Variants in MS4A4A observed in about 807,000 individuals in gnomAD.
MS4A4A encodes membrane-spanning 4-domains subfamily A member 4A.
In MS4A4A, 26 loss-of-function variants were observed where a neutral mutation model predicts 28.0. That is an observed-to-expected ratio of 0.93 (90% CI 0.68 to 1.29). The LOEUF is 1.29. Among genes scored for constraint, MS4A4A ranks in the 50% most tolerant of loss-of-function variants. The pLI is 0.00. For missense variants in MS4A4A, 290 were observed against 293.1 expected, an observed-to-expected ratio of 0.99 and a Z score of 0.08; for synonymous variants, 86 against 100.8, an observed-to-expected ratio of 0.85 and a Z score of 0.88.
intron 1 of MS4A4A, among the ~76,000 whole-genome samples, chr11:60,288,288 G>A (rs142316050): frequency 8.6e-4 from 131 of 152,362 alleles, no homozygotes; most frequent in African/African-American, 2.4e-3. Context: ...GGTTGCCATC[G>A]AGATTGACAG....
intron 1 of MS4A4A, among the ~76,000 whole-genome samples, chr11:60,282,027 T>C (rs2084759258): frequency 6.6e-6 from 1 of 152,220 alleles, no homozygotes; most frequent in Admixed American, 6.5e-5. Flanking sequence ...CAAGGATTTC[T>C]GTGGTGGAAA....
chr11:60,304,682 C>T (rs983244885), intron 5 of MS4A4A, among the ~76,000 whole-genome samples: 1 of 152,118 alleles, frequency 6.6e-6, no homozygotes, highest in Non-Finnish European at 1.5e-5. Context: ...ACAACGAAGC[C>T]CATTTGTTTA....
chr11:60,289,676 T>C (rs931591451), intron 1 of MS4A4A, among the ~76,000 whole-genome samples: 1 of 151,618 alleles, frequency 6.6e-6, no homozygotes, highest in Non-Finnish European at 1.5e-5. Context: ...GTGACATTCT[T>C]TAGAATTCTA....
chr11:60,296,999 T>G (rs528167930), intron 2 of MS4A4A, 198 bp from the exon 3 acceptor site: 2 of 613,142 alleles, frequency 3.3e-6, no homozygotes, highest in Non-Finnish European at 5.4e-6. Flanking sequence ...TTGGCAATGA[T>G]AGACGTCGCG....
intron 1 of MS4A4A, among the ~76,000 whole-genome samples, chr11:60,288,432 C>A (rs2084821651): frequency 6.6e-6 from 1 of 152,232 alleles, no homozygotes; most frequent in South Asian, 2.1e-4. Flanking sequence ...AAAGCTGAGG[C>A]TGTAACTTTG....
chr11:60,282,064 G>A (rs2084759751), intron 1 of MS4A4A, among the ~76,000 whole-genome samples: 1 of 152,194 alleles, frequency 6.6e-6, no homozygotes, highest in Admixed American at 6.5e-5. Context: ...ATGAATTTAT[G>A]GCCAGAGTTT....
intron 3 of MS4A4A, among the ~76,000 whole-genome samples, chr11:60,299,708 G>A (rs992900969): frequency 1.3e-5 from 2 of 152,004 alleles, no homozygotes; most frequent in African/African-American, 4.8e-5. Context: ...TGATCCACCC[G>A]CCTCAGCCTC....
chr11:60,298,037 A>C, intron 3 of MS4A4A, among the ~76,000 whole-genome samples: 1 of 150,494 alleles, frequency 6.6e-6, no homozygotes, highest in South Asian at 2.1e-4. Flanking sequence ...ACTAATTATT[A>C]TAATTAATAT....
intron 1 of MS4A4A, 50 bp downstream of exon 1, chr11:60,280,766 C>T: frequency 6.2e-7 from 1 of 1,604,702 alleles, no homozygotes; most frequent in Non-Finnish European, 8.5e-7. Context: ...TGGCTTGTTT[C>T]ACTTCCTGGG....
intron 1 of MS4A4A, among the ~76,000 whole-genome samples, chr11:60,285,251 C>A (rs76910494): frequency 6.6e-6 from 1 of 152,140 alleles, no homozygotes; most frequent in African/African-American, 2.4e-5. Flanking sequence ...CTCTTGTAAT[C>A]CCAGCACTAC....
rs368779495 is a variant in MS4A4A, at chr11:60,292,260, T to A, written c.77T>A (p.Met26Lys). 17 of 1,585,258 alleles carry A rather than the reference T, an allele frequency of 1.1e-5. No homozygotes were observed. In the African/African-American group the frequency reaches 2.2e-4, roughly 20 times the overall value. Residue 26 changes from methionine (M) to lysine (K), a missense_variant, in exon 2 of 7, where the codon ATG (methionine) becomes AAG (lysine). By Grantham distance (95) the Met-to-Lys change is moderately conservative. Coordinates refer to ENST00000337908, the MANE Select transcript of MS4A4A (RefSeq NM_148975.3). ...FSAAMTTMQG[M>K]EQAMPGAGPG... is the part of the protein sequence containing the mutation. ...GCTGCCATGACAACCATGCAAGGAA[T>A]GGAACAGGCCATGCCAGGGGCTGGC...
chr11:60,287,770 C>T (rs539038866), intron 1 of MS4A4A, among the ~76,000 whole-genome samples: 37 of 152,116 alleles, frequency 2.4e-4, no homozygotes, highest in Admixed American at 3.9e-4. Context: ...AGTGATTTGT[C>T]TTCAAAATAT....
chr11:60,291,811 A>G (rs1054593846), intron 1 of MS4A4A, among the ~76,000 whole-genome samples: 1 of 150,974 alleles, frequency 6.6e-6, no homozygotes, highest in Non-Finnish European at 1.5e-5. Context: ...AAAAAAAACA[A>G]AAAAACAAAA....
chr11:60,300,913 T>G, intron 3 of MS4A4A, 88 bp from the exon 4 acceptor site: 1 of 903,558 alleles, frequency 1.1e-6, no homozygotes, highest in South Asian at 1.6e-5. Flanking sequence ...GATTAACATA[T>G]CTATCTAATT....
chr11:60,287,384 G>T (rs147412813), intron 1 of MS4A4A, among the ~76,000 whole-genome samples: 1 of 152,246 alleles, frequency 6.6e-6, no homozygotes, highest in East Asian at 1.9e-4. Flanking sequence ...TTTTTCAGGA[G>T]TCCACTCCTG....
chr11:60,287,194 C>T (rs1418573173), intron 1 of MS4A4A, among the ~76,000 whole-genome samples: 1 of 152,094 alleles, frequency 6.6e-6, no homozygotes, highest in Non-Finnish European at 1.5e-5. Context: ...TTGTTTTCTG[C>T]TGCTGTAAAA....
In MS4A4A at chr11:60,292,380, T is replaced by G. The variant is rs1312270978; in HGVS notation, c.197T>G (p.Leu66Arg). Residue 66 changes from leucine (L) to arginine (R), a missense_variant, in exon 2 of 7, where the codon CTT becomes CGT. Coordinates refer to ENST00000337908, the MANE Select transcript of MS4A4A (RefSeq NM_148975.3). The stretch of plus-strand genomic sequence containing the variant: ...TTCTTGAAGGGAGAACCCAAAGTCC[T>G]TGGGGTAAGTTGCAAATCTAGGGGA... Reference protein sequence around the residue: ...EKFLKGEPKVLGVVQILTALM... With the variant: ...EKFLKGEPKVRGVVQILTALM... The G allele has an allele frequency of 6.3e-7, 1 of 1,588,564 alleles. No homozygotes were observed. The highest frequency in any genetic ancestry group is 1.4e-5 in the African/African-American group (1 of 73,402).
intron 1 of MS4A4A, among the ~76,000 whole-genome samples, chr11:60,283,679 A>G (rs953329925): frequency 6.6e-6 from 1 of 152,248 alleles, no homozygotes; most frequent in Non-Finnish European, 1.5e-5. Flanking sequence ...GGGCTTTATT[A>G]GAATGACTTT....
chr11:60,295,784 T>C (rs765470904), intron 2 of MS4A4A, among the ~76,000 whole-genome samples: 1 of 152,164 alleles, frequency 6.6e-6, no homozygotes, highest in Non-Finnish European at 1.5e-5. Flanking sequence ...ATGTGATGAA[T>C]ACATTAATCG....
Sources: allele counts gnomAD v4.1 joint callset (sites outside exome capture counted in the v4.1 genomes callset), GRCh38; gene constraint gnomAD v4.1.1; transcripts MANE v1.5; gene names NCBI Gene and HGNC (gene_info 2026-07-23, HGNC 2026-07-21).